The following MDGA2 variants were observed in gnomAD, a reference collection of about 807,000 sequenced individuals.
MDGA2 encodes MAM domain containing glycosylphosphatidylinositol anchor 2.
In MDGA2, 40 loss-of-function variants were observed where a neutral mutation model predicts 117.8. The ratio of observed to expected loss-of-function variants is 0.34; its 90% CI spans 0.26 to 0.44. The LOEUF (loss-of-function observed/expected upper bound fraction) is 0.44, where lower values mean the gene tolerates loss of function less well. Ranked by LOEUF, MDGA2 falls within the 20% of genes least tolerant of loss-of-function variation. The pLI is 1.00. For missense variants in MDGA2, 1,123 were observed against 1,250.6 expected, an observed-to-expected ratio of 0.90 and a Z score of 1.54; for synonymous variants, 452 against 439.0, an observed-to-expected ratio of 1.03 and a Z score of -0.37.
intron 3 of MDGA2, among the ~76,000 whole-genome samples, chr14:47,171,814 C>T (rs1172350788): frequency 6.6e-6 from 1 of 152,172 alleles, no homozygotes; most frequent in African/African-American, 2.4e-5. Flanking sequence ...GGGTGCAGCA[C>T]ACCATGCGCG....
At chr14:47,623,884 T>G (rs910930257) in intron 1 of MDGA2, among the ~76,000 whole-genome samples, 1 of 152,210 alleles carries the variant, frequency 6.6e-6, no homozygotes, top group Non-Finnish European at 1.5e-5. Context: ...AAGTATATAC[T>G]GAAATTATCC....
At chr14:47,614,057 A>T (rs1896902361) in intron 1 of MDGA2, among the ~76,000 whole-genome samples, 2 of 151,256 alleles carry the variant, frequency 1.3e-5, no homozygotes. Context: ...ATGTTGTTTA[A>T]ATTTGCCCAG....
Position 47,555,790 on chromosome 14 carries a change from T to A in MDGA2, c.280+118727A>T, listed in dbSNP as rs143496906. On this transcript the variant is annotated intron_variant, in intron 1 of 16. Transcript: ENST00000399232. ...CTCCTTCTATCTTCAGTCTCTTCTA[T>A]CCATCTCGACCCTTTGGTAATTATT... Among the ~76,000 whole-genome samples the A allele has an allele frequency of 4.6e-3, 707 of 152,302 alleles. 8 individuals carry two copies. Among genetic ancestry groups the A allele is most frequent in the African/African-American group, 0.016 (672 of 41,580 alleles).
intron 9 of MDGA2, 88 bp from the exon 10 acceptor site, chr14:46,920,248 C>A: frequency 8.1e-7 from 1 of 1,230,946 alleles, no homozygotes; most frequent in Non-Finnish European, 1.1e-6. Context: ...ACCATTTCTA[C>A]TATATTTTTC....
chr14:47,609,119 G>C (rs1896792555), intron 1 of MDGA2, among the ~76,000 whole-genome samples: 1 of 151,518 alleles, frequency 6.6e-6, no homozygotes, highest in Admixed American at 6.6e-5. Context: ...ACATGAGTAA[G>C]TTCTTTAGTG....
chr14:47,622,252 AGAAT>A (rs1448384028), intron 1 of MDGA2, among the ~76,000 whole-genome samples: 2 of 152,226 alleles, frequency 1.3e-5, no homozygotes, highest in African/African-American at 4.8e-5. Flanking sequence ...GGGGGATGGG[AGAAT>A]GAATGACATC....
chr14:47,019,228 A>G (rs1295567447), intron 8 of MDGA2, among the ~76,000 whole-genome samples: 2 of 152,218 alleles, frequency 1.3e-5, no homozygotes, highest in Non-Finnish European at 2.9e-5. Context: ...GCCAAGAATG[A>G]AAACAATGCC....
intron 2 of MDGA2, among the ~76,000 whole-genome samples, chr14:47,224,133 A>C (rs1329347310): frequency 6.6e-6 from 1 of 152,166 alleles, no homozygotes; most frequent in Non-Finnish European, 1.5e-5. Flanking sequence ...TTACAATTTA[A>C]CATTAAACTC....
chr14:47,603,483 G>A (rs985934279), intron 1 of MDGA2, among the ~76,000 whole-genome samples: 1 of 152,050 alleles, frequency 6.6e-6, no homozygotes, highest in Non-Finnish European at 1.5e-5. Flanking sequence ...TGCTATGCCC[G>A]GTCATTCCAC....
intron 5 of MDGA2, among the ~76,000 whole-genome samples, chr14:47,103,320 T>C (rs1880446409): frequency 6.6e-6 from 1 of 152,228 alleles, no homozygotes; most frequent in African/African-American, 2.4e-5. Context: ...TTGAAATTCA[T>C]TTTCAACAGG....
intron 1 of MDGA2, among the ~76,000 whole-genome samples, chr14:47,439,813 A>T (rs912177423): frequency 1.7e-4 from 8 of 47,628 alleles, no homozygotes; most frequent in African/African-American, 7.2e-4. Context: ...GTTATTCACT[A>T]AGGGAGTGTG....
At chr14:47,517,874 T>C (rs919251047) in intron 1 of MDGA2, among the ~76,000 whole-genome samples, 1 of 152,120 alleles carries the variant, frequency 6.6e-6, no homozygotes. Flanking sequence ...AAAGAAAAAG[T>C]GTGTCTTAAA....
chr14:47,323,704 T>A (rs560115871), intron 1 of MDGA2, among the ~76,000 whole-genome samples: 49 of 151,672 alleles, frequency 3.2e-4, no homozygotes, highest in African/African-American at 1.2e-3. Context: ...ATAGAACAGT[T>A]ACTAAACATT....
At chr14:47,408,488 T>G (rs1018669971) in intron 1 of MDGA2, among the ~76,000 whole-genome samples, 46 of 152,214 alleles carry the variant, frequency 3.0e-4, no homozygotes, top group African/African-American at 1.1e-3. Context: ...CTAAGAAAGA[T>G]TTAATGAGCA....
At chr14:47,552,187 A>G (rs1280538750) in intron 1 of MDGA2, among the ~76,000 whole-genome samples, 1 of 152,076 alleles carries the variant, frequency 6.6e-6, no homozygotes, top group African/African-American at 2.4e-5. Context: ...CTTCATTTCT[A>G]CTGTATAAGC....
chr14:47,213,207 A>G (rs1254771136), intron 3 of MDGA2, among the ~76,000 whole-genome samples: 1 of 152,164 alleles, frequency 6.6e-6, no homozygotes, highest in Non-Finnish European at 1.5e-5. Flanking sequence ...GCCTGGCCAT[A>G]CAGAAGATTC....
intron 6 of MDGA2, among the ~76,000 whole-genome samples, chr14:47,072,730 G>A (rs1447182951): frequency 1.3e-5 from 2 of 152,004 alleles, no homozygotes; most frequent in East Asian, 1.9e-4. Context: ...ATATACTCTC[G>A]GGTTTGAGAG....
chr14:47,492,149 C>T (rs1894183058), intron 1 of MDGA2, among the ~76,000 whole-genome samples: 1 of 152,060 alleles, frequency 6.6e-6, no homozygotes, highest in Non-Finnish European at 1.5e-5. Context: ...CAAATGAACC[C>T]AATTGTGCAT....
intron 5 of MDGA2, 103 bp downstream of exon 5, chr14:47,131,611 T>C (rs1316280309): frequency 5.5e-6 from 5 of 909,930 alleles, no homozygotes; most frequent in African/African-American, 1.6e-5. Flanking sequence ...TGCTTATTCC[T>C]ACATACACCG....
Sources: gnomAD v4.1 joint callset for allele counts (sites outside exome capture counted in the v4.1 genomes callset) on GRCh38, gnomAD v4.1.1 for gene constraint, MANE v1.5 for transcripts, NCBI Gene and HGNC (gene_info 2026-07-23, HGNC 2026-07-21) for gene names.